Variants in COL4A4 observed in about 807,000 individuals in gnomAD.
COL4A4 encodes collagen alpha-4(IV) chain.
A neutral mutation model predicts 192.9 loss-of-function variants in COL4A4; 105 were observed. That is an observed-to-expected ratio of 0.54 (90% CI 0.46 to 0.64). COL4A4 has a LOEUF of 0.64. Among genes scored for constraint, COL4A4 ranks in the 30% least tolerant of loss-of-function variants. The pLI is 0.00. For missense variants in COL4A4, 1,967 were observed against 2,169.3 expected, an observed-to-expected ratio of 0.91 and a Z score of 1.85; for synonymous variants, 762 against 769.9, an observed-to-expected ratio of 0.99 and a Z score of 0.17.
chr2:227,094,954 G>A (rs570491863), intron 19 of COL4A4, among the ~76,000 whole-genome samples: 15 of 152,212 alleles, frequency 9.9e-5, no homozygotes, highest in Middle Eastern at 3.4e-3. Context: ...ATTACTAGCC[G>A]TAAAGCAGGA....
chr2:227,035,919 G>A lies in COL4A4; in HGVS notation c.3506-2438C>T, dbSNP rs190645290. On this transcript the variant is annotated intron_variant, in intron 37 of 47. Coordinates refer to ENST00000396625, the MANE Select transcript of COL4A4 (RefSeq NM_000092.5). ...GCCTCTCGCCATTGTTGAACTGGCC[G>A]ACCCTTATCTGACCCAATGTTATCG... Among the ~76,000 whole-genome samples the A allele has an allele frequency of 1.5e-3, 223 of 152,276 alleles. 2 individuals are homozygous for A. The highest frequency in any genetic ancestry group is 4.7e-3 in the African/African-American group (194 of 41,560).
At chr2:227,031,041 A>AGATGGATGGATGGATG (rs58038992) in intron 40 of COL4A4, among the ~76,000 whole-genome samples, 53,471 of 146,018 alleles carry the variant, frequency 0.37, 9,946 homozygotes, top group South Asian at 0.47. Flanking sequence ...TTGGATGGAC[A>AGATGGATGGATGGATG]GATGGATGGA....
chr2:227,147,441 A>G lies in COL4A4; in HGVS notation c.43T>C (p.Leu15=), dbSNP rs747209259. ...HIVLMRCSFR[L]TKSLATGPWS... is the part of the protein sequence containing the mutation. ...GGACCTGTGGCCAAGGACTTGGTCA[A>G]TCTGAAGGAGCACCTCATTAGTACT... Residue 15 remains leucine, a synonymous_variant, in exon 2 of 48, where the codon TTG becomes CTG. Transcript: ENST00000396625. 5 of 1,613,872 alleles carry G rather than the reference A, an allele frequency of 3.1e-6. No homozygotes were observed. Among genetic ancestry groups the G allele is most frequent in the Middle Eastern group, 3.3e-4 (2 of 6,060 alleles).
At chr2:226,979,228 CATT>C in the COL4A4 span, among the ~76,000 whole-genome samples, 18 of 152,266 alleles carry the variant, frequency 1.2e-4, no homozygotes, top group African/African-American at 3.4e-4. Flanking sequence ...ACTGCAGTCT[CATT>C]GTTGTAGGAC....
intron 5 of COL4A4, 39 bp from the exon 6 acceptor site, chr2:227,119,978 T>C: frequency 7.0e-7 from 1 of 1,432,246 alleles, no homozygotes; most frequent in Non-Finnish European, 9.5e-7. Context: ...ATAAAAATTA[T>C]TAAATTAATA....
At chr2:227,077,507 A>G (rs2059092776) in intron 25 of COL4A4, among the ~76,000 whole-genome samples, 2 of 152,098 alleles carry the variant, frequency 1.3e-5, no homozygotes, top group African/African-American at 2.4e-5. Context: ...GGTCAGGGGT[A>G]AGGGGAAGGA....
intron 25 of COL4A4, among the ~76,000 whole-genome samples, chr2:227,071,599 T>C (rs927607875): frequency 6.6e-6 from 1 of 152,138 alleles, no homozygotes; most frequent in African/African-American, 2.4e-5. Flanking sequence ...AGGATATACA[T>C]TCTTCTCAGA....
At chr2:226,993,307 G>T in the COL4A4 span, among the ~76,000 whole-genome samples, 1 of 152,224 alleles carries the variant, frequency 6.6e-6, no homozygotes, top group Non-Finnish European at 1.5e-5. Context: ...GTGGCCTGGA[G>T]TCAGGGTGCC....
At chr2:227,128,681 C>T (rs1330417961) in intron 4 of COL4A4, among the ~76,000 whole-genome samples, 1 of 152,106 alleles carries the variant, frequency 6.6e-6, no homozygotes, top group Non-Finnish European at 1.5e-5. Context: ...TGAACCAAAA[C>T]CCAAATCTCA....
chr2:227,135,274 G>T (rs1235275929), intron 4 of COL4A4, among the ~76,000 whole-genome samples: 1 of 152,118 alleles, frequency 6.6e-6, no homozygotes, highest in East Asian at 1.9e-4. Flanking sequence ...CACATCCCAG[G>T]TGAGGGCTCT....
At chr2:227,008,479 C>T (rs1444903226) in intron 46 of COL4A4, among the ~76,000 whole-genome samples, 175 bp from the exon 47 acceptor site, 1 of 152,162 alleles carries the variant, frequency 6.6e-6, no homozygotes, top group Non-Finnish European at 1.5e-5. Context: ...TCCTGTGGGC[C>T]AGCCCTCATC....
chr2:227,030,654 T>G (rs745774272), intron 40 of COL4A4, 56 bp from the exon 41 acceptor site: 53 of 1,435,188 alleles, frequency 3.7e-5, no homozygotes, highest in Non-Finnish European at 4.9e-5. Flanking sequence ...ATGTGTATAC[T>G]GGCTGCTTGA....
In COL4A4 at chr2:227,042,197, T is replaced by C. The variant is rs763023980; in HGVS notation, c.3456A>G (p.Pro1152=). ...TCCCTGGATCCCCCTGGAGGCCTCT[T>C]GGCCCAGGGTCTCCCATTTCTCCTG... ...GQPGEMGDPG[P]RGLQGDPGIP... is the part of the protein sequence containing the mutation. Residue 1152 remains proline (P), a synonymous_variant, in exon 37 of 48, where the codon CCA becomes CCG. Coordinates refer to ENST00000396625, the MANE Select transcript of COL4A4 (RefSeq NM_000092.5). 6.2e-7 allele frequency: 1 copy of C among 1,613,816 alleles called. No homozygotes were observed. Among genetic ancestry groups the C allele is most frequent in the Non-Finnish European group, 8.5e-7 (1 of 1,179,700 alleles).
At chr2:226,990,789 G>A in the COL4A4 span, among the ~76,000 whole-genome samples, 1 of 152,172 alleles carries the variant, frequency 6.6e-6, no homozygotes, top group Admixed American at 6.5e-5. Context: ...GTATTCCTGA[G>A]GTTCTTTGAA....
intron 44 of COL4A4, among the ~76,000 whole-genome samples, chr2:227,014,892 C>CTTTTTTTTTTTT (rs1179125792): frequency 1.9e-5 from 2 of 106,586 alleles, no homozygotes; most frequent in African/African-American, 7.6e-5. Flanking sequence ...CCATGCCTGG[C>CTTTTTTTTTTTT]TTTTTTTTTT....
intron 4 of COL4A4, among the ~76,000 whole-genome samples, chr2:227,134,592 A>T (rs1448202178): frequency 6.6e-6 from 1 of 152,256 alleles, no homozygotes; most frequent in Non-Finnish European, 1.5e-5. Flanking sequence ...CAAGTAATTC[A>T]ATGAAATGAA....
intron 40 of COL4A4, among the ~76,000 whole-genome samples, chr2:227,031,610 G>A (rs1184603426): frequency 6.6e-6 from 1 of 152,256 alleles, no homozygotes; most frequent in Middle Eastern, 3.4e-3. Context: ...CAACAAGGAG[G>A]GTGCGATTCC....
At chr2:227,126,450 T>C (rs925621548) in intron 4 of COL4A4, among the ~76,000 whole-genome samples, 1 of 152,262 alleles carries the variant, frequency 6.6e-6, no homozygotes, top group African/African-American at 2.4e-5. Context: ...TGACTCTGAA[T>C]AACAGAGATG....
At chr2:227,138,637 CA>C (rs67330769) in intron 4 of COL4A4, among the ~76,000 whole-genome samples, 72,607 of 128,086 alleles carry the variant, frequency 0.57, 18,333 homozygotes, top group African/African-American at 0.68. Flanking sequence ...TGTCTCAAAA[CA>C]AAAAAAAAAA....
Sources: allele counts gnomAD v4.1 joint callset (sites outside exome capture counted in the v4.1 genomes callset), GRCh38; gene constraint gnomAD v4.1.1; transcripts MANE v1.5; gene names NCBI Gene and HGNC (gene_info 2026-07-23, HGNC 2026-07-21).